NECTIN1: variants seen among roughly 807,000 people sequenced by gnomAD.
NECTIN1 encodes nectin-1.
NECTIN1 carries 23 observed loss-of-function variants against 48.0 expected under a neutral mutation model. The ratio of observed to expected loss-of-function variants is 0.48; its 90% CI spans 0.34 to 0.68. NECTIN1 has a LOEUF of 0.68. Among genes scored for constraint, NECTIN1 ranks in the 30% least tolerant of loss-of-function variants. The probability of loss-of-function intolerance (pLI) is 0.01; values close to 1 mark genes in which losing one functional copy is unlikely to be tolerated. For missense variants in NECTIN1, 591 were observed against 709.9 expected, an observed-to-expected ratio of 0.83 and a Z score of 1.90; for synonymous variants, 270 against 288.9, an observed-to-expected ratio of 0.93 and a Z score of 0.66.
intron 5 of NECTIN1, among the ~76,000 whole-genome samples, chr11:119,644,756 C>T (rs1353908484): frequency 6.6e-6 from 1 of 151,988 alleles, no homozygotes; most frequent in African/African-American, 2.4e-5. Context: ...AGGAGGGCTA[C>T]CGGGGCACGT....
intron 5 of NECTIN1, chr11:119,674,379 G>C: frequency 6.8e-7 from 1 of 1,476,214 alleles, no homozygotes; most frequent in Non-Finnish European, 9.0e-7. Flanking sequence ...GATGATGATG[G>C]AGGTCAGGGT....
At chr11:119,700,339 C>T (rs1865429693) in intron 1 of NECTIN1, among the ~76,000 whole-genome samples, 1 of 152,204 alleles carries the variant, frequency 6.6e-6, no homozygotes, top group Non-Finnish European at 1.5e-5. Context: ...CAAGTGCGGA[C>T]ACCTAGTTCG....
rs1225640386 is a variant in NECTIN1, at chr11:119,665,144, T to G, written c.1157A>C (p.Lys386Thr). 6.2e-7 allele frequency: 1 copy of G among 1,613,886 alleles called. No homozygotes were observed. The highest frequency in any genetic ancestry group is 8.5e-7 in the Non-Finnish European group (1 of 1,179,996). ...VALRRRRHTF[K>T]GDYSTKKHVY... ...GTGCTTCTTGGTGCTGTAGTCACCC[T>G]TGAAGGTGTGCCGGCGCCGACGCAG... Residue 386 changes from lysine to threonine, a missense_variant, in exon 6 of 6, where the codon AAG (lysine) becomes ACG (threonine). Coordinates refer to ENST00000264025, the MANE Select transcript of NECTIN1 (RefSeq NM_002855.5). This position sits in a 1 kb window ranked among gnomAD's most constrained non-coding sequence, Gnocchi z 5.1.
At position 119,638,792 on chromosome 11, in the gene NECTIN1, A is replaced by AG. The variant is rs1864275516; in HGVS notation, c.1165dup (p.Leu389ProfsTer18). On this transcript the variant is annotated frameshift_variant, in exon 7 of 8. Coordinates refer to the NECTIN1 transcript ENST00000341398. LOFTEE classifies it high-confidence loss of function. ...GGGAGAAGGCTCCGGCTTCTGGGAG[A>AG]GGGGCTGGTCGGTCCTGGAGACAGA... The AG allele has an allele frequency of 1.2e-6, 2 of 1,613,802 alleles. No individual in the cohort carries two copies. Among genetic ancestry groups the AG allele is most frequent in the Admixed American group, 1.7e-5 (1 of 60,012 alleles).
Position 119,683,573 on chromosome 11 carries a change from G to GGTGTGTGTGTGT in NECTIN1, c.80-4820_80-4809dup, listed in dbSNP as rs66955603. ...AGAAACAGGGGCTTTGGGGATCCCG[G>GGTGTGTGTGTGT]GTGTGTGTGTGTGTGTGTGTGTGTG... On this transcript the variant is annotated intron_variant, in intron 1 of 5. Transcript: ENST00000264025. This position sits in a 1 kb window ranked among gnomAD's most constrained non-coding sequence, Gnocchi z 4.0. Among the ~76,000 whole-genome samples, 2 of 143,572 alleles carry GGTGTGTGTGTGT rather than the reference G, an allele frequency of 1.4e-5. No homozygotes were observed. Among genetic ancestry groups the GGTGTGTGTGTGT allele is most frequent in the African/African-American group, 5.2e-5 (2 of 38,372 alleles). The allele number at this position is 143,572 out of a possible 152,430, so 94.2% of individuals were successfully genotyped here. A position where few individuals can be genotyped will look rare whatever the true frequency, so the allele number is the denominator to read the frequency against.
chr11:119,677,361 T>C lies in NECTIN1; in HGVS notation c.734-142A>G. 1 of 1,021,472 alleles carries C rather than the reference T, an allele frequency of 9.8e-7. No homozygotes were observed. The highest frequency in any genetic ancestry group is 1.8e-5 in the Admixed American group (1 of 55,286). 63.3% of individuals were successfully genotyped at this position (1,021,472 alleles called of 1,614,324 possible). A position where few individuals can be genotyped will look rare whatever the true frequency, so the allele number is the denominator to read the frequency against. ...GGAAGTGTGGGTGGGAGGGTGGCAATCACAGAGCCCGGGAGTGGAAACAGG... is the reference window on the plus strand; with the variant it reads ...GGAAGTGTGGGTGGGAGGGTGGCAACCACAGAGCCCGGGAGTGGAAACAGG... On this transcript the variant is annotated intron_variant, in intron 3 of 5. Transcript: ENST00000264025. This position sits in a 1 kb window ranked among gnomAD's most constrained non-coding sequence, Gnocchi z 5.4.
intron 5 of NECTIN1, among the ~76,000 whole-genome samples, chr11:119,644,254 TG>T (rs763065462): frequency 6.6e-6 from 1 of 152,230 alleles, no homozygotes; most frequent in Non-Finnish European, 1.5e-5. Context: ...GGGTTCATTC[TG>T]GGGGCTGCAG....
At chr11:119,719,286 G>A (rs1269839337) in intron 1 of NECTIN1, among the ~76,000 whole-genome samples, 2 of 152,206 alleles carry the variant, frequency 1.3e-5, no homozygotes, top group Admixed American at 1.3e-4. Context: ...GCTATGCAGG[G>A]GTGGGAAGAG....
Position 119,665,169 on chromosome 11 carries a change from G to T in NECTIN1, c.1132C>A (p.Leu378Met). Residue 378 changes from leucine (L) to methionine (M), a missense_variant, in exon 6 of 6, where the codon CTG becomes ATG. Coordinates refer to ENST00000264025, the MANE Select transcript of NECTIN1 (RefSeq NM_002855.5). This position sits in a 1 kb window ranked among gnomAD's most constrained non-coding sequence, Gnocchi z 5.1. Reference sequence around the variant, plus strand: ...TTGAAGGTGTGCCGGCGCCGACGCAGGGCGACCACGATCCCGCCGACCACA... The same window carrying T: ...TTGAAGGTGTGCCGGCGCCGACGCATGGCGACCACGATCCCGCCGACCACA... ...LIVVGGIVVA[L>M]RRRRHTFKGD... 6.2e-7 allele frequency: 1 copy of T among 1,611,878 alleles called. No homozygotes were observed.
chr11:119,696,967 A>G lies in NECTIN1; in HGVS notation c.80-18202T>C, dbSNP rs542665986. 1.9e-3 allele frequency among the ~76,000 whole-genome samples: 285 copies of G among 152,108 alleles called. 1 individual carries two copies. Among genetic ancestry groups the G allele is most frequent in the Middle Eastern group, 6.8e-3 (2 of 294 alleles). On this transcript the variant is annotated intron_variant, in intron 1 of 5. Coordinates refer to ENST00000264025, the MANE Select transcript of NECTIN1 (RefSeq NM_002855.5). The stretch of plus-strand genomic sequence containing the variant: ...CAGGAGACCTGGCAGGGGAGGAGGG[A>G]GGGCATCCTGTCTCTCCAGCCCCCT...
intron 1 of NECTIN1, among the ~76,000 whole-genome samples, chr11:119,692,141 G>A (rs1402080399): frequency 1.3e-5 from 2 of 152,014 alleles, no homozygotes; most frequent in East Asian, 1.9e-4. Context: ...TGCCCAACAC[G>A]AATCTATCAG....
intron 1 of NECTIN1, among the ~76,000 whole-genome samples, chr11:119,704,178 C>T (rs1865504304): frequency 6.6e-6 from 1 of 152,138 alleles, no homozygotes; most frequent in South Asian, 2.1e-4. Flanking sequence ...CAGGGGCTGT[C>T]TGCTTCCTCC....
intron 1 of NECTIN1, among the ~76,000 whole-genome samples, chr11:119,680,105 A>G (rs1231875640): frequency 6.6e-6 from 1 of 152,264 alleles, no homozygotes; most frequent in African/African-American, 2.4e-5. Flanking sequence ...TCAAGAGAGC[A>G]GACATTTGCA....
intron 1 of NECTIN1, among the ~76,000 whole-genome samples, chr11:119,686,427 G>A (rs527933571): frequency 6.6e-6 from 1 of 152,026 alleles, no homozygotes; most frequent in Non-Finnish European, 1.5e-5. Context: ...GCTGCATCAC[G>A]CTAAGTCTAC....
intron 5 of NECTIN1, among the ~76,000 whole-genome samples, chr11:119,670,020 C>T (rs1217211981): frequency 2.7e-5 from 4 of 150,298 alleles, no homozygotes; most frequent in Non-Finnish European, 5.9e-5. Context: ...AGTGCAGTGG[C>T]TCAATCTTGG....
chr11:119,652,203 C>G (rs1010542127), intron 5 of NECTIN1, among the ~76,000 whole-genome samples: 1 of 152,164 alleles, frequency 6.6e-6, no homozygotes, highest in Non-Finnish European at 1.5e-5. Flanking sequence ...ATTGTGGGGA[C>G]CAGAGGAAGG....
chr11:119,711,100 G>C (rs560545970), intron 1 of NECTIN1, among the ~76,000 whole-genome samples: 123 of 10,636 alleles, frequency 0.012, no homozygotes, highest in Non-Finnish European at 0.026. Flanking sequence ...AAAGGGGCAC[G>C]GGAGGCTGGC....
chr11:119,639,991 C>A, exon 6 of NECTIN1: 1 of 1,613,538 alleles, frequency 6.2e-7, no homozygotes, highest in Non-Finnish European at 8.5e-7. Context: ...ACTTCCCAGA[C>A]CCCTCTGGGG....
intron 1 of NECTIN1, among the ~76,000 whole-genome samples, chr11:119,718,238 G>A (rs1212800797): frequency 6.6e-6 from 1 of 152,170 alleles, no homozygotes; most frequent in Admixed American, 6.5e-5. Flanking sequence ...CAACCCTGGG[G>A]AAGGGCTTTG....
Sources: allele counts gnomAD v4.1 joint callset (sites outside exome capture counted in the v4.1 genomes callset), GRCh38; gene constraint gnomAD v4.1.1; non-coding constraint Gnocchi (gnomAD v3.1); transcripts MANE v1.5; gene names NCBI Gene and HGNC (gene_info 2026-07-23, HGNC 2026-07-21).